The following CFAP70 variants were observed in gnomAD, a reference collection of about 807,000 sequenced individuals.
CFAP70 encodes the protein cilia and flagella associated protein 70.
In CFAP70, 81 loss-of-function variants were observed where a neutral mutation model predicts 137.6. That is an observed-to-expected ratio of 0.59 (90% CI 0.49 to 0.71). The LOEUF (loss-of-function observed/expected upper bound fraction) is 0.71, where lower values mean the gene tolerates loss of function less well. Ranked by LOEUF, CFAP70 falls within the 30% of genes least tolerant of loss-of-function variation. The probability of loss-of-function intolerance (pLI) is 0.00; values close to 1 mark genes in which losing one functional copy is unlikely to be tolerated. For synonymous variants in CFAP70, 382 were observed against 423.6 expected (o/e 0.90, Z 1.20); for missense variants, 976 against 1,226.7 (o/e 0.80, Z 3.05).
chr10:73,277,333 A>G (rs762737924), exon 21 of CFAP70: 4 of 1,613,964 alleles, frequency 2.5e-6, no homozygotes, highest in Admixed American at 3.3e-5. Context: ...GATGCAGAAG[A>G]GCTGATGAAT....
At chr10:73,339,366 A>G (rs187859359) in intron 6 of CFAP70, among the ~76,000 whole-genome samples, 16 of 152,316 alleles carry the variant, frequency 1.1e-4, no homozygotes, top group African/African-American at 3.8e-4. Context: ...TTTTATATAC[A>G]TAAGAAAGTA....
chr10:73,269,722 A>G lies in CFAP70; in HGVS notation c.2926-7T>C, dbSNP rs1190656690. 1.3e-6 allele frequency: 2 copies of G among 1,592,942 alleles called. No individual in the cohort carries two copies. The highest frequency in any genetic ancestry group is 1.7e-5 in the Admixed American group (1 of 60,004). ...CCTCTGTGAGCTCCTCCAGCTTGAC[A>G]GAAAAATGAGACATGTGAGTTAGCT... On this transcript the variant is annotated splice_region_variant and splice_polypyrimidine_tract_variant and intron_variant, in intron 24 of 26. Transcript: ENST00000310715.
exon 12 of CFAP70, chr10:73,310,157 CCTT>C: frequency 5.6e-6 from 9 of 1,604,828 alleles, no homozygotes; most frequent in Admixed American, 1.7e-5. Flanking sequence ...TAGCTACAAA[CCTT>C]CTGGCTAGCT....
At chr10:73,256,828 A>C (rs1253949707) in intron 25 of CFAP70, among the ~76,000 whole-genome samples, 2 of 148,608 alleles carry the variant, frequency 1.3e-5, no homozygotes, top group African/African-American at 5.0e-5. Context: ...GCTTGAACCC[A>C]GGAGGCAGAG....
At chr10:73,274,289 C>T in intron 23 of CFAP70, 144 bp downstream of exon 24, 1 of 929,182 alleles carries the variant, frequency 1.1e-6, no homozygotes, top group East Asian at 2.7e-5. Context: ...TACTGGTTGT[C>T]TGATGTTGGG....
At chr10:73,344,172 C>T (rs763584571) in intron 5 of CFAP70, among the ~76,000 whole-genome samples, 10 of 152,094 alleles carry the variant, frequency 6.6e-5, no homozygotes, top group Non-Finnish European at 1.3e-4. Flanking sequence ...CCATGTTGGC[C>T]AGGCTGGTCT....
rs368434762 is a variant in CFAP70 at position 73,358,528 on chromosome 10, G to A, written c.-40+186C>T. ...CGTCCGCGCTCCTGTGGAGGTCGCC[G>A]GGCTGGGGTTGGCGGCAGAGTCCGC... On this transcript the variant is annotated intron_variant, in intron 1 of 26. Transcript: ENST00000310715. Among the ~76,000 whole-genome samples, 63 of 152,346 alleles carry A rather than the reference G, an allele frequency of 4.1e-4. 1 individual carries two copies. The East Asian group carries it at 0.01, about 25-fold the overall frequency.
intron 9 of CFAP70, among the ~76,000 whole-genome samples, chr10:73,317,088 C>T (rs949041985): frequency 3.3e-5 from 5 of 152,130 alleles, no homozygotes; most frequent in East Asian, 1.9e-4. Context: ...TGCAGTGGCA[C>T]GATCTTGGCT....
chr10:73,257,117 A>T (rs544302953), intron 25 of CFAP70, among the ~76,000 whole-genome samples: 6 of 152,214 alleles, frequency 3.9e-5, no homozygotes, highest in East Asian at 3.9e-4. Flanking sequence ...GCTTTATTTA[A>T]GTTCATTCTT....
chr10:73,337,833 G>A (rs972161755), intron 6 of CFAP70, among the ~76,000 whole-genome samples: 12 of 151,952 alleles, frequency 7.9e-5, no homozygotes, highest in African/African-American at 2.7e-4. Flanking sequence ...TTGAACCCAG[G>A]AAGCGCAGGT....
At chr10:73,331,595 T>C (rs551357112) in intron 7 of CFAP70, among the ~76,000 whole-genome samples, 1 of 152,148 alleles carries the variant, frequency 6.6e-6, no homozygotes, top group Non-Finnish European at 1.5e-5. Flanking sequence ...GGTGGGAGGA[T>C]GGCTTGAGCT....
At chr10:73,305,335 A>G (rs2049295305) in intron 12 of CFAP70, among the ~76,000 whole-genome samples, 1 of 152,234 alleles carries the variant, frequency 6.6e-6, no homozygotes, top group Admixed American at 6.5e-5. Context: ...AAGCCTGAGA[A>G]GAAAAGCTGG....
intron 4 of CFAP70, 121 bp from the exon 6 acceptor site, chr10:73,345,365 A>C (rs1221143145): frequency 1.1e-6 from 1 of 901,084 alleles, no homozygotes; most frequent in Non-Finnish European, 1.7e-6. Flanking sequence ...AATTATTTCC[A>C]TAAGTTGAAA....
At chr10:73,344,997 A>C in intron 5 of CFAP70, 68 bp downstream of exon 6, 2 of 1,298,660 alleles carry the variant, frequency 1.5e-6, no homozygotes, top group South Asian at 2.7e-5. Context: ...CTTAGAGGTG[A>C]GGAAGAGATG....
intron 12 of CFAP70, among the ~76,000 whole-genome samples, chr10:73,307,460 G>T (rs558247638): frequency 2.0e-5 from 3 of 152,238 alleles, no homozygotes; most frequent in Admixed American, 6.5e-5. Flanking sequence ...CCATCTATCT[G>T]CTGTCTACAA....
intron 19 of CFAP70, among the ~76,000 whole-genome samples, chr10:73,286,988 G>A (rs113311327): frequency 1.1e-3 from 175 of 152,260 alleles, no homozygotes; most frequent in African/African-American, 4.0e-3. Flanking sequence ...TTCCCCCTTG[G>A]GTGGGCCAGG....
chr10:73,312,565 G>A (rs368424286), exon 10 of CFAP70: 1 of 1,612,368 alleles, frequency 6.2e-7, no homozygotes, highest in African/African-American at 1.3e-5. Context: ...TTGGACAGCA[G>A]AGAATTAATT....
At chr10:73,264,777 C>T (rs993178610) in intron 25 of CFAP70, among the ~76,000 whole-genome samples, 4 of 152,134 alleles carry the variant, frequency 2.6e-5, no homozygotes, top group Non-Finnish European at 2.9e-5. Context: ...AGTCTAATTA[C>T]GTTATTCATT....
intron 4 of CFAP70, among the ~76,000 whole-genome samples, chr10:73,346,112 T>G (rs941715396): frequency 3.3e-4 from 50 of 151,694 alleles, no homozygotes; most frequent in African/African-American, 1.1e-3. Flanking sequence ...TTGGCCAGGC[T>G]GGTCTCAAAC....
Sources: allele counts gnomAD v4.1 joint callset (sites outside exome capture counted in the v4.1 genomes callset), GRCh38; gene constraint gnomAD v4.1.1; transcripts MANE v1.5; gene names NCBI Gene and HGNC (gene_info 2026-07-23, HGNC 2026-07-21).